The following HNRNPA1 variants were observed in gnomAD, a reference collection of about 807,000 sequenced individuals.
HNRNPA1 encodes heterogeneous nuclear ribonucleoprotein A1, also known as epididymis secretory sperm binding protein.
Under a neutral mutation model 44.4 loss-of-function variants are expected in HNRNPA1, and 7 were observed. That is an observed-to-expected ratio of 0.16 (90% CI 0.09 to 0.30). The LOEUF is 0.30. Ranked by LOEUF, HNRNPA1 falls within the 10% of genes least tolerant of loss-of-function variation. HNRNPA1 has a pLI of 1.00. For synonymous variants in HNRNPA1, 169 were observed against 160.6 expected (o/e 1.05, Z -0.40); for missense variants, 193 against 465.8 (o/e 0.41, Z 5.39).
intron 8 of HNRNPA1, among the ~76,000 whole-genome samples, 157 bp downstream of exon 8, chr12:54,283,391 C>T (rs1407611539): frequency 6.6e-6 from 1 of 152,092 alleles, no homozygotes; most frequent in Non-Finnish European, 1.5e-5. Flanking sequence ...AAGCTGGGGC[C>T]GCCTCACTCC....
chr12:54,284,001 AAG>A, intron 9 of HNRNPA1, 34 bp downstream of exon 9: 1 of 1,601,074 alleles, frequency 6.2e-7, no homozygotes, highest in Admixed American at 1.7e-5. Context: ...ATAATGTCAA[AAG>A]AGTGTCTGTA....
intron 1 of HNRNPA1, 122 bp downstream of exon 1, chr12:54,280,944 C>T (rs1326008597): frequency 1.9e-6 from 2 of 1,051,156 alleles, no homozygotes; most frequent in African/African-American, 3.1e-5. Flanking sequence ...GCTGCCACGG[C>T]CTACCCCTCC....
At chr12:54,281,003 T>A (rs754194750) in intron 1 of HNRNPA1, 181 bp downstream of exon 1, 1 of 731,184 alleles carries the variant, frequency 1.4e-6, no homozygotes, top group Admixed American at 2.0e-5. Context: ...GAGGCCGCTC[T>A]CCGCCAACCA....
chr12:54,281,033 C>T (rs751758379), intron 1 of HNRNPA1: 5 of 712,360 alleles, frequency 7.0e-6, no homozygotes, highest in Non-Finnish European at 1.0e-5. Flanking sequence ...ATGCGGGACT[C>T]GTTACTCGTA....
rs1406892195 is a variant in HNRNPA1 at position 54,280,731 on chromosome 12, C to A, written c.-77C>A. On this transcript the variant is annotated 5_prime_UTR_variant, in exon 1 of 11. Coordinates refer to ENST00000340913, the MANE Select transcript of HNRNPA1 (RefSeq NM_031157.4). ...GAGGGCGAAGGTAGGCTGGCAGATA[C>A]GTTCGTCAGCTTGCTCCTTTCTGCC... 2 of 1,546,946 alleles carry A rather than the reference C, an allele frequency of 1.3e-6. No homozygotes were observed. The highest frequency in any genetic ancestry group is 1.4e-5 in the African/African-American group (1 of 73,670).
chr12:54,282,840 C>T lies in HNRNPA1; in HGVS notation c.717C>T (p.Gly239=). 2 of 1,551,340 alleles carry T rather than the reference C, an allele frequency of 1.3e-6. No individual in the cohort carries two copies. Among genetic ancestry groups the T allele is most frequent in the Non-Finnish European group, 1.7e-6 (2 of 1,146,936 alleles). The change falls in exon 7 of 11, where the codon GGC becomes GGT. Residue 239 remains glycine (G), a synonymous_variant. Coordinates refer to ENST00000340913, the MANE Select transcript of HNRNPA1 (RefSeq NM_031157.4). ...GCCGTGGTGGTGGTGGATATGGTGG[C>T]AGTGGGGATGGCTATAATGGATTTG... ...GGSRGGGGYG[G]SGDGYNGFGN...
At chr12:54,283,273 A>AG (rs774734200) in intron 8 of HNRNPA1, 39 bp downstream of exon 8, 3 of 1,601,800 alleles carry the variant, frequency 1.9e-6, no homozygotes, top group Non-Finnish European at 2.6e-6. Flanking sequence ...TGTGACAGCT[A>AG]GATTAGCCTT....
At position 54,282,407 on chromosome 12, in the gene HNRNPA1, T is replaced by C. The variant is rs368572636; in HGVS notation, c.504T>C (p.His168=). The C allele has an allele frequency of 6.2e-6, 10 of 1,612,980 alleles. No homozygotes were observed. Among genetic ancestry groups the C allele is most frequent in the African/African-American group, 5.3e-5 (4 of 74,866 alleles). ...SVDKIVIQKY[H]TVNGHNCEVR... ...TTTTTTTTTTAGTTCAGAAATACCA[T>C]ACTGTGAATGGCCACAACTGTGAAG... is the stretch of plus-strand genomic sequence containing the variant. Residue 168 remains histidine, a synonymous_variant, in exon 5 of 11, where the codon CAT becomes CAC. Coordinates refer to ENST00000340913, the MANE Select transcript of HNRNPA1 (RefSeq NM_031157.4).
chr12:54,283,797 C>T lies in HNRNPA1; in HGVS notation c.908-15C>T. ...TCCTCAGGTAACAGATAAAGGCCCT[C>T]TTTCCCATTCATAGGAAGCAATTTT... On this transcript the variant is annotated splice_polypyrimidine_tract_variant and intron_variant, in intron 8 of 10. Coordinates refer to ENST00000340913, the MANE Select transcript of HNRNPA1 (RefSeq NM_031157.4). The T allele has an allele frequency of 6.2e-7, 1 of 1,613,014 alleles. No individual in the cohort carries two copies. The highest frequency in any genetic ancestry group is 8.5e-7 in the Non-Finnish European group (1 of 1,179,024).
chr12:54,284,035 C>CT, intron 9 of HNRNPA1, 68 bp downstream of exon 9: 1 of 1,539,900 alleles, frequency 6.5e-7, no homozygotes, highest in African/African-American at 1.4e-5. Flanking sequence ...GAAGAAAGCC[C>CT]TTTAACTGCT....
intron 1 of HNRNPA1, 26 bp from the exon 2 acceptor site, chr12:54,281,360 A>C (rs1213447396): frequency 3.1e-6 from 4 of 1,284,386 alleles, no homozygotes; most frequent in Non-Finnish European, 4.5e-6. Flanking sequence ...TAGCCCATTT[A>C]ACACTTCCCC....
At chr12:54,284,129 T>C in intron 9 of HNRNPA1, 129 bp from the exon 10 acceptor site, 1 of 1,249,308 alleles carries the variant, frequency 8.0e-7, no homozygotes, top group South Asian at 1.4e-5. Flanking sequence ...ATGGGACCTC[T>C]TTACCACCTC....
chr12:54,286,433 T>G lies in HNRNPA1; in HGVS notation c.*1889T>G, dbSNP rs1368339184. The stretch of plus-strand genomic sequence containing the variant: ...TGAATTGTTTTAAATTGACACCCTA[T>G]TGATGGCTCCCAGTTGAAGGAAGTG... On this transcript the variant is annotated 3_prime_UTR_variant, in exon 11 of 11. Coordinates refer to ENST00000340913, the MANE Select transcript of HNRNPA1 (RefSeq NM_031157.4). The G allele has an allele frequency of 6.6e-6, 1 of 152,216 alleles. No individual in the cohort carries two copies. The highest frequency in any genetic ancestry group is 1.5e-5 in the Non-Finnish European group (1 of 68,036). The allele number at this position is 152,216 out of a possible 1,614,324, so 9.4% of individuals were successfully genotyped here.
At chr12:54,282,738 C>G (rs2137043237) in intron 6 of HNRNPA1, 62 bp from the exon 7 acceptor site, 1 of 1,587,916 alleles carries the variant, frequency 6.3e-7, no homozygotes, top group South Asian at 1.1e-5. Context: ...AGTACGGGAA[C>G]TGCATTCAGA....
chr12:54,283,086 T>C lies in HNRNPA1; in HGVS notation c.759T>C (p.Tyr253=), dbSNP rs962100613. The change falls in exon 8 of 11, where the codon TAT becomes TAC. Residue 253 remains tyrosine, a synonymous_variant. Coordinates refer to ENST00000340913, the MANE Select transcript of HNRNPA1 (RefSeq NM_031157.4). ...GYNGFGNDGG[Y]GGGGPGYSGG... ...AGAATTGTATTCTTGTAGGTGGTTA[T>C]GGAGGAGGCGGCCCTGGTTACTCTG... is the stretch of plus-strand genomic sequence containing the variant. The C allele has an allele frequency of 1.9e-6, 3 of 1,612,890 alleles. No individual in the cohort carries two copies. Among genetic ancestry groups the C allele is most frequent in the African/African-American group, 1.3e-5 (1 of 74,904 alleles).
chr12:54,283,027 G>GT, intron 7 of HNRNPA1, 52 bp from the exon 8 acceptor site: 1 of 1,594,158 alleles, frequency 6.3e-7, no homozygotes, highest in East Asian at 2.2e-5. Context: ...ACTTGCACAA[G>GT]TTTTCATTGT....
At chr12:54,281,581 T>C in intron 2 of HNRNPA1, 79 bp downstream of exon 2, 1 of 1,095,184 alleles carries the variant, frequency 9.1e-7, no homozygotes. Context: ...CGAATGCTTA[T>C]GAAAGTAGTT....
intron 7 of HNRNPA1, 41 bp downstream of exon 7, chr12:54,282,915 C>G (rs1175944133): frequency 6.6e-7 from 1 of 1,525,738 alleles, no homozygotes; most frequent in Non-Finnish European, 8.8e-7. Context: ...TTCCTGGCAA[C>G]CTGGATCTTT....
At chr12:54,282,919 G>A in intron 7 of HNRNPA1, 45 bp downstream of exon 7, 2 of 1,518,634 alleles carry the variant, frequency 1.3e-6, no homozygotes, top group Non-Finnish European at 1.8e-6. Context: ...TGGCAACCTG[G>A]ATCTTTAGAA....
Sources: allele counts gnomAD v4.1 joint callset (sites outside exome capture counted in the v4.1 genomes callset), GRCh38; gene constraint gnomAD v4.1.1; transcripts MANE v1.5; gene names NCBI Gene and HGNC (gene_info 2026-07-23, HGNC 2026-07-21).